The following RBFOX1 variants were observed in gnomAD, a reference collection of about 807,000 sequenced individuals.
RBFOX1 encodes the protein RNA binding fox-1 homolog 1.
A neutral mutation model predicts 57.7 loss-of-function variants in RBFOX1; 8 were observed. That is an observed-to-expected ratio of 0.14 (90% CI 0.08 to 0.25). RBFOX1 has a LOEUF of 0.25. Ranked by LOEUF, RBFOX1 falls within the 10% of genes least tolerant of loss-of-function variation. RBFOX1 has a pLI of 1.00. For missense variants in RBFOX1, 611 were observed against 548.5 expected, an observed-to-expected ratio of 1.11 and a Z score of -1.14; for synonymous variants, 326 against 222.4, an observed-to-expected ratio of 1.47 and a Z score of -4.15.
At chr16:6,441,796 A>G (rs1030948809) in intron 2 of RBFOX1, among the ~76,000 whole-genome samples, 1 of 152,114 alleles carries the variant, frequency 6.6e-6, no homozygotes, top group South Asian at 2.1e-4. Context: ...TCACAGCTTT[A>G]GCCCTTGAAG....
At chr16:6,335,287 A>C (rs1241688779) in intron 2 of RBFOX1, among the ~76,000 whole-genome samples, 1 of 152,122 alleles carries the variant, frequency 6.6e-6, no homozygotes, top group Non-Finnish European at 1.5e-5. Context: ...CTTATGTTTG[A>C]ATGCGCGTCA....
intron 3 of RBFOX1, among the ~76,000 whole-genome samples, chr16:5,634,936 C>G (rs551294509): frequency 6.6e-6 from 1 of 152,194 alleles, no homozygotes; most frequent in Non-Finnish European, 1.5e-5. Context: ...CTCCTTAGAT[C>G]ATGCACCTTC....
chr16:6,792,077 A>AT (rs2083078984), intron 3 of RBFOX1, among the ~76,000 whole-genome samples: 1 of 152,186 alleles, frequency 6.6e-6, no homozygotes, highest in African/African-American at 2.4e-5. Flanking sequence ...TATATTACTG[A>AT]TAATACCTAA....
At chr16:6,500,900 T>A (rs1166764308) in intron 2 of RBFOX1, among the ~76,000 whole-genome samples, 1 of 148,970 alleles carries the variant, frequency 6.7e-6, no homozygotes, top group African/African-American at 2.6e-5. Context: ...TTTTTTTTTT[T>A]TAATGCTGAG....
chr16:6,604,921 A>C (rs2154014914), intron 2 of RBFOX1, among the ~76,000 whole-genome samples: 1 of 152,262 alleles, frequency 6.6e-6, no homozygotes, highest in Admixed American at 6.5e-5. Context: ...AGGTTACTTG[A>C]GCCCAGAATT....
Position 6,966,821 on chromosome 16 carries a change from ATCTATCTG to A in RBFOX1, c.-15-85228_-15-85221del, listed in dbSNP as rs1216042503. 6.2e-5 allele frequency among the ~76,000 whole-genome samples: 9 copies of A among 144,662 alleles called. 1 individual carries two copies. The South Asian group carries it at 1.7e-3, about 28-fold the overall frequency. The allele number at this position is 144,662 out of a possible 152,430, so 94.9% of individuals were successfully genotyped here. The stretch of plus-strand genomic sequence containing the variant: ...TGTCTGTCTGTCTGTCTGTCTGTCT[ATCTATCTG>A]TCTATCTATCTATCCATCCATCTAT... On this transcript the variant is annotated intron_variant, in intron 3 of 15. Transcript: ENST00000550418.
At position 6,665,638 on chromosome 16, in the gene RBFOX1, AAG is replaced by A. The variant is rs761548402; in HGVS notation, c.-16+10990_-16+10991del. On this transcript the variant is annotated intron_variant, in intron 3 of 15. Transcript: ENST00000550418. Reference sequence around the variant, plus strand: ...GAAACTCCATCTCCAAAAAAAAAAAAAGAAGAAGGAGGGAGTGTCACCTAATG... The same window carrying A: ...GAAACTCCATCTCCAAAAAAAAAAAAAAGAAGGAGGGAGTGTCACCTAATG... Among the ~76,000 whole-genome samples the A allele has an allele frequency of 2.6e-3, 341 of 130,086 alleles. 8 individuals are homozygous for A. The highest frequency in any genetic ancestry group is 4.5e-3 in the African/African-American group (161 of 35,590). 85.3% of individuals were successfully genotyped at this position (130,086 alleles called of 152,430 possible).
chr16:5,425,288 T>C (rs1052893242), intron 1 of RBFOX1, among the ~76,000 whole-genome samples: 1 of 152,026 alleles, frequency 6.6e-6, no homozygotes, highest in African/African-American at 2.4e-5. Flanking sequence ...GTATTTTTAG[T>C]AGAGATGTGG....
intron 1 of RBFOX1, among the ~76,000 whole-genome samples, chr16:5,325,914 TA>T (rs1384980387): frequency 1.3e-5 from 2 of 152,230 alleles, no homozygotes; most frequent in Non-Finnish European, 2.9e-5. Flanking sequence ...TGTTTAAACA[TA>T]AGTTTTCATT....
chr16:6,745,680 G>A (rs1047846728), intron 3 of RBFOX1, among the ~76,000 whole-genome samples: 3 of 152,196 alleles, frequency 2.0e-5, no homozygotes, highest in Non-Finnish European at 2.9e-5. Flanking sequence ...AAAATGTATA[G>A]CTAATATCAT....
chr16:5,690,006 G>C (rs4786754), intron 3 of RBFOX1, among the ~76,000 whole-genome samples: 50,173 of 152,018 alleles, frequency 0.33, 10,065 homozygotes, highest in East Asian at 0.81. Context: ...CAGCAATTGC[G>C]TAAACTTTGC....
intron 4 of RBFOX1, among the ~76,000 whole-genome samples, chr16:7,129,282 G>A (rs577295136): frequency 7.9e-5 from 12 of 152,180 alleles, no homozygotes; most frequent in Admixed American, 5.9e-4. Flanking sequence ...ATTTTGGCCA[G>A]GAAAACAAAG....
rs200225285 is a variant in RBFOX1 at position 7,654,640 on chromosome 16, G to GAAA, written c.890+702_890+704dup. The stretch of plus-strand genomic sequence containing the variant: ...GGAATGGTGTGAATGCTCAGTAAAA[G>GAAA]AAAAAAAAAAATGATACTGGTGTGT... On this transcript the variant is annotated intron_variant, in intron 12 of 15. Transcript: ENST00000550418. Among the ~76,000 whole-genome samples, 611 of 149,466 alleles carry GAAA rather than the reference G, an allele frequency of 4.1e-3. 7 individuals are homozygous for GAAA. Among genetic ancestry groups the GAAA allele is most frequent in the African/African-American group, 0.014 (589 of 40,782 alleles).
chr16:5,321,880 A>G (rs2064418856), intron 1 of RBFOX1, among the ~76,000 whole-genome samples: 1 of 152,152 alleles, frequency 6.6e-6, no homozygotes, highest in African/African-American at 2.4e-5. Context: ...AGCACAGAGC[A>G]GGGACCCACA....
chr16:6,296,034 C>T (rs988812370), intron 1 of RBFOX1, among the ~76,000 whole-genome samples: 4 of 152,222 alleles, frequency 2.6e-5, no homozygotes, highest in Admixed American at 6.5e-5. Flanking sequence ...TCTCCCTCTT[C>T]TGTAAAGGAA....
Position 5,520,296 on chromosome 16 carries a change from G to A in RBFOX1, c.258+53042G>A, listed in dbSNP as rs79445493. Among the ~76,000 whole-genome samples the A allele has an allele frequency of 3.2e-3, 489 of 152,312 alleles. 4 individuals are homozygous for A. The East Asian group carries it at 0.044, about 14-fold the overall frequency. ...CCCATTAGAAAATTTTCATGTTCAG[G>A]TAGTAGGAATCTCAGCTTGAAATGG... is the stretch of plus-strand genomic sequence containing the variant. On this transcript the variant is annotated intron_variant, in intron 2 of 2. Coordinates refer to the RBFOX1 transcript ENST00000585867.
intron 3 of RBFOX1, among the ~76,000 whole-genome samples, chr16:6,876,252 A>G (rs550019599): frequency 1.3e-5 from 2 of 152,262 alleles, no homozygotes; most frequent in African/African-American, 4.8e-5. Context: ...CCTGACATCC[A>G]GTCTTTCTAT....
chr16:5,861,772 A>G (rs1374184657), intron 3 of RBFOX1, among the ~76,000 whole-genome samples: 2 of 152,218 alleles, frequency 1.3e-5, no homozygotes, highest in South Asian at 2.1e-4. Context: ...TTTGTTGCAA[A>G]GTGCAAAGGA....
chr16:7,095,409 A>G (rs1165508849), intron 4 of RBFOX1, among the ~76,000 whole-genome samples: 1 of 152,212 alleles, frequency 6.6e-6, no homozygotes, highest in Non-Finnish European at 1.5e-5. Flanking sequence ...CAGTGCTGGG[A>G]TTACAGTCAT....
Sources: allele counts gnomAD v4.1 joint callset (sites outside exome capture counted in the v4.1 genomes callset), GRCh38; gene constraint gnomAD v4.1.1; transcripts MANE v1.5; gene names NCBI Gene and HGNC (gene_info 2026-07-23, HGNC 2026-07-21).